The following GLRA1 variants were observed in gnomAD, a reference collection of about 807,000 sequenced individuals.
The protein encoded by GLRA1 is glycine receptor subunit alpha-1.
A neutral mutation model predicts 48.3 loss-of-function variants in GLRA1; 37 were observed. That is an observed-to-expected ratio of 0.77 (90% CI 0.59 to 1.01). The LOEUF (loss-of-function observed/expected upper bound fraction) is 1.01, where lower values mean the gene tolerates loss of function less well. GLRA1 is among the 50% of genes least tolerant of loss of function. The pLI, the probability that GLRA1 is intolerant of heterozygous loss-of-function variation, is 0.00. For synonymous variants in GLRA1, 196 were observed against 210.7 expected, an observed-to-expected ratio of 0.93 and a Z score of 0.60; for missense variants, 427 against 571.0, an observed-to-expected ratio of 0.75 and a Z score of 2.57.
At chr5:151,839,134 C>G (rs539741604) in intron 7 of GLRA1, among the ~76,000 whole-genome samples, 1 of 152,260 alleles carries the variant, frequency 6.6e-6, no homozygotes, top group South Asian at 2.1e-4. Flanking sequence ...GAAAAGACTG[C>G]CAATTTTTCT....
At position 151,909,008 on chromosome 5, in the gene GLRA1, A is replaced by G. The variant is rs12110245; in HGVS notation, c.56+15486T>C. ...CTTAGTCCCTTCATTTACAAACTGG[A>G]GATGATCATAGTATTTTCCTCACAG... On this transcript the variant is annotated intron_variant, in intron 1 of 8. Transcript: ENST00000274576. Among the ~76,000 whole-genome samples the G allele has an allele frequency of 9.9e-3, 1,512 of 152,318 alleles. 28 individuals carry two copies. The highest frequency in any genetic ancestry group is 0.034 in the African/African-American group (1,432 of 41,566).
rs551252059 is a variant in GLRA1 at position 151,921,262 on chromosome 5, G to A, written c.56+3232C>T. On this transcript the variant is annotated intron_variant, in intron 1 of 8. Coordinates refer to ENST00000274576, the MANE Select transcript of GLRA1 (RefSeq NM_000171.4). ...AGGGTGCTTTATATATTTCATGAGG[G>A]GCATTTTCTCAAGGAAGCTAGACTT... is the stretch of plus-strand genomic sequence containing the variant. Among the ~76,000 whole-genome samples, 4 of 152,196 alleles carry A rather than the reference G, an allele frequency of 2.6e-5. No homozygotes were observed. The East Asian group carries it at 7.7e-4, about 29-fold the overall frequency.
chr5:151,917,616 G>T (rs963822854), intron 1 of GLRA1, among the ~76,000 whole-genome samples: 1 of 152,054 alleles, frequency 6.6e-6, no homozygotes, highest in African/African-American at 2.4e-5. Context: ...TATTATTGTT[G>T]TTATTTGCAG....
intron 3 of GLRA1, among the ~76,000 whole-genome samples, chr5:151,865,664 T>C (rs1753316815): frequency 6.6e-6 from 1 of 152,204 alleles, no homozygotes; most frequent in Non-Finnish European, 1.5e-5. Flanking sequence ...CAGTAAAAAA[T>C]TTATGTTTTA....
intron 1 of GLRA1, among the ~76,000 whole-genome samples, chr5:151,914,419 G>A (rs1329653353): frequency 3.9e-5 from 6 of 152,216 alleles, no homozygotes; most frequent in African/African-American, 1.4e-4. Flanking sequence ...TCTGGGGCAT[G>A]CGGTGAGACC....
In GLRA1 at chr5:151,822,690, C is replaced by T. The variant is rs886060279; in HGVS notation, c.1333G>A (p.Asp445Asn). 3 of 1,613,350 alleles carry T rather than the reference C, an allele frequency of 1.9e-6. No individual in the cohort carries two copies. Among genetic ancestry groups the T allele is most frequent in the Non-Finnish European group, 2.5e-6 (3 of 1,179,348 alleles). ...CAGACCCTTCACTGGTTGTGGACGTCCTCTCTACGGACAATCTTGTAGATG... is the reference window on the plus strand; with the variant it reads ...CAGACCCTTCACTGGTTGTGGACGTTCTCTCTACGGACAATCTTGTAGATG... ...WIIYKIVRRE[D>N]VHNQ Residue 445 changes from aspartate (D) to asparagine (N), a missense_variant, in exon 9 of 9, where the codon GAC becomes AAC. Asp to Asn is a conservative substitution (Grantham distance 23). Coordinates refer to ENST00000274576, the MANE Select transcript of GLRA1 (RefSeq NM_000171.4).
intron 3 of GLRA1, among the ~76,000 whole-genome samples, chr5:151,873,131 G>T (rs1337096856): frequency 6.7e-6 from 1 of 149,454 alleles, no homozygotes; most frequent in African/African-American, 2.6e-5. Flanking sequence ...ATGTTCCAGG[G>T]TGCTGCTGTC....
At chr5:151,888,694 A>G (rs1753982345) in intron 2 of GLRA1, among the ~76,000 whole-genome samples, 1 of 152,204 alleles carries the variant, frequency 6.6e-6, no homozygotes, top group Non-Finnish European at 1.5e-5. Context: ...GGTTAGCCCA[A>G]GAGTCTAGTG....
At chr5:151,917,297 G>T (rs1158500625) in intron 1 of GLRA1, among the ~76,000 whole-genome samples, 1 of 152,142 alleles carries the variant, frequency 6.6e-6, no homozygotes, top group East Asian at 1.9e-4. Flanking sequence ...CAGATCCTCA[G>T]GTGATCCTGG....
chr5:151,825,029 A>G (rs564483368), intron 8 of GLRA1, among the ~76,000 whole-genome samples: 2 of 152,354 alleles, frequency 1.3e-5, no homozygotes, highest in East Asian at 3.9e-4. Context: ...ATGCTGAAGA[A>G]ATCCTTGGAA....
At chr5:151,832,543 G>T (rs906823571) in intron 7 of GLRA1, among the ~76,000 whole-genome samples, 2 of 152,114 alleles carry the variant, frequency 1.3e-5, no homozygotes, top group African/African-American at 4.8e-5. Context: ...CGGAATAAAG[G>T]ATATCAGAGA....
At chr5:151,857,739 C>T (rs1201500664) in intron 4 of GLRA1, among the ~76,000 whole-genome samples, 3 of 152,194 alleles carry the variant, frequency 2.0e-5, no homozygotes, top group South Asian at 2.1e-4. Context: ...GGAGTCCTCT[C>T]AACAGAATTT....
At chr5:151,845,176 GAGGAA>G (rs2113325739) in intron 7 of GLRA1, among the ~76,000 whole-genome samples, 1 of 152,244 alleles carries the variant, frequency 6.6e-6, no homozygotes, top group South Asian at 2.1e-4. Context: ...ATCTATTCAT[GAGGAA>G]TCCACTCCTA....
In GLRA1 at chr5:151,856,323, T is replaced by G. The variant is rs770339430; in HGVS notation, c.537A>C (p.Thr179=). ...DLKNFPMDVQ[T]CIMQLESFGY... Reference sequence around the variant, plus strand: ...CACAGCTTTCCAGTTGCATGATACATGTCTGGACATCCATGGGGAAATTCT... The same window carrying G: ...CACAGCTTTCCAGTTGCATGATACAGGTCTGGACATCCATGGGGAAATTCT... The change falls in exon 5 of 9, where the codon ACA becomes ACC. Residue 179 remains threonine (T), a synonymous_variant. Coordinates refer to ENST00000274576, the MANE Select transcript of GLRA1 (RefSeq NM_000171.4). 1.9e-6 allele frequency: 3 copies of G among 1,611,550 alleles called. No individual in the cohort carries two copies. In the Admixed American group the frequency reaches 5.0e-5, roughly 27 times the overall value.
intron 2 of GLRA1, among the ~76,000 whole-genome samples, chr5:151,887,448 T>A (rs1237479268): frequency 6.6e-6 from 1 of 152,232 alleles, no homozygotes; most frequent in African/African-American, 2.4e-5. Flanking sequence ...GCAGTTGCCA[T>A]TTACTAAACA....
intron 2 of GLRA1, 71 bp from the exon 3 acceptor site, chr5:151,886,859 A>T: frequency 9.2e-7 from 1 of 1,086,728 alleles, no homozygotes; most frequent in African/African-American, 1.5e-5. Flanking sequence ...ACTCATTCCC[A>T]GAACACTGAC....
chr5:151,920,498 T>C (rs1261464627), intron 1 of GLRA1, among the ~76,000 whole-genome samples: 1 of 152,196 alleles, frequency 6.6e-6, no homozygotes, highest in Non-Finnish European at 1.5e-5. Context: ...GCAGAAGTCA[T>C]GTGCTGATTC....
chr5:151,857,796 T>C (rs947927083), intron 4 of GLRA1, among the ~76,000 whole-genome samples: 7 of 152,186 alleles, frequency 4.6e-5, no homozygotes, highest in Admixed American at 2.6e-4. Context: ...CTTGAAAGGC[T>C]TTTCCAACAT....
intron 8 of GLRA1, among the ~76,000 whole-genome samples, chr5:151,824,463 C>T (rs1763222846): frequency 6.6e-6 from 1 of 152,164 alleles, no homozygotes; most frequent in Non-Finnish European, 1.5e-5. Flanking sequence ...CTGGACCCTG[C>T]CTGCTTTTGC....
Sources: gnomAD v4.1 joint callset for allele counts (sites outside exome capture counted in the v4.1 genomes callset) on GRCh38, gnomAD v4.1.1 for gene constraint, MANE v1.5 for transcripts, NCBI Gene and HGNC (gene_info 2026-07-23, HGNC 2026-07-21) for gene names.